The following LARS2 variants were observed in gnomAD, a reference collection of about 807,000 sequenced individuals.
LARS2 encodes the protein leucine--tRNA ligase, mitochondrial.
A neutral mutation model predicts 116.6 loss-of-function variants in LARS2; 81 were observed. The observed-to-expected ratio is 0.69, with a 90% CI of 0.58 to 0.84. The LOEUF (loss-of-function observed/expected upper bound fraction) is 0.84. LARS2 is among the 40% of genes least tolerant of loss of function. The pLI is 0.00. For missense variants in LARS2, 968 were observed against 1,114.5 expected (o/e 0.87, Z 1.87); for synonymous variants, 396 against 407.2 (o/e 0.97, Z 0.33).
chr3:45,445,935 G>T (rs1035886486), intron 6 of LARS2, among the ~76,000 whole-genome samples: 8 of 152,152 alleles, frequency 5.3e-5, no homozygotes, highest in Non-Finnish European at 1.0e-4. Flanking sequence ...ATTACAAGGC[G>T]TGGTGGCACA....
intron 15 of LARS2, 91 bp downstream of exon 15, chr3:45,500,670 T>G: frequency 3.2e-6 from 3 of 936,898 alleles, no homozygotes; most frequent in Non-Finnish European, 3.1e-6. Flanking sequence ...GGTAAATGCA[T>G]GTAGTAGAAT....
chr3:45,420,287 GCAAA>G (rs918582620), intron 6 of LARS2, among the ~76,000 whole-genome samples: 1 of 152,204 alleles, frequency 6.6e-6, no homozygotes, highest in Non-Finnish European at 1.5e-5. Flanking sequence ...CACTCGTGTT[GCAAA>G]CAAATTGTGA....
intron 15 of LARS2, among the ~76,000 whole-genome samples, chr3:45,504,503 A>G (rs759755623): frequency 2.6e-5 from 4 of 152,050 alleles, no homozygotes; most frequent in African/African-American, 9.7e-5. Context: ...CATCAGCCCC[A>G]GAGACCTTCA....
At position 45,482,295 on chromosome 3, in the gene LARS2, A is replaced by G. The variant is rs1315978806; in HGVS notation, c.1019-3397A>G. ...CTGGGCTTTTTTCATGTTTGGGGCT[A>G]TTATGGAGATAACTGCTGTGACCAT... On this transcript the variant is annotated intron_variant, in intron 10 of 21. Transcript: ENST00000645846. 3.3e-5 allele frequency among the ~76,000 whole-genome samples: 5 copies of G among 152,170 alleles called. No homozygotes were observed. The East Asian group carries it at 9.6e-4, about 29-fold the overall frequency.
chr3:45,536,113 TTTTTTA>T (rs1291383575), intron 20 of LARS2, among the ~76,000 whole-genome samples: 3 of 150,966 alleles, frequency 2.0e-5, no homozygotes, highest in Non-Finnish European at 1.5e-5. Context: ...GAAAGTTTTA[TTTTTTA>T]TTTTTATTTG....
intron 4 of LARS2, among the ~76,000 whole-genome samples, chr3:45,401,890 A>G (rs1385647174): frequency 5.9e-5 from 9 of 152,218 alleles, no homozygotes; most frequent in Non-Finnish European, 4.4e-5. Context: ...TGCTAGGATT[A>G]TAGATATGAG....
chr3:45,479,044 C>A (rs959834018), intron 10 of LARS2, among the ~76,000 whole-genome samples: 1 of 152,046 alleles, frequency 6.6e-6, no homozygotes, highest in Non-Finnish European at 1.5e-5. Flanking sequence ...GCAGTGACCA[C>A]CGAGTGTCAT....
At chr3:45,439,902 G>A (rs1698876965) in intron 6 of LARS2, among the ~76,000 whole-genome samples, 2 of 152,210 alleles carry the variant, frequency 1.3e-5, no homozygotes, top group Admixed American at 1.3e-4. Context: ...TTGGGAGAGA[G>A]ATATATTCGG....
chr3:45,505,283 G>A (rs901054654), intron 15 of LARS2, among the ~76,000 whole-genome samples: 2 of 151,910 alleles, frequency 1.3e-5, no homozygotes, highest in African/African-American at 4.8e-5. Context: ...TCCAGCCTGG[G>A]CAACATAGGA....
intron 14 of LARS2, among the ~76,000 whole-genome samples, chr3:45,499,566 G>T (rs1301008545): frequency 6.6e-6 from 1 of 152,180 alleles, no homozygotes; most frequent in Non-Finnish European, 1.5e-5. Context: ...AGGCTGCAGT[G>T]AACTATGATT....
At chr3:45,498,835 A>G (rs571111340) in intron 14 of LARS2, among the ~76,000 whole-genome samples, 1 of 152,340 alleles carries the variant, frequency 6.6e-6, no homozygotes, top group South Asian at 2.1e-4. Context: ...ACCCAAGAGT[A>G]TGAGAAAGCC....
intron 13 of LARS2, among the ~76,000 whole-genome samples, chr3:45,492,865 G>C (rs1347322450): frequency 6.6e-6 from 1 of 152,176 alleles, no homozygotes; most frequent in African/African-American, 2.4e-5. Flanking sequence ...GGAACTTGGA[G>C]GGAGGTATAT....
At chr3:45,488,522 G>A (rs913167111) in intron 11 of LARS2, among the ~76,000 whole-genome samples, 175 bp from the exon 12 acceptor site, 3 of 152,188 alleles carry the variant, frequency 2.0e-5, no homozygotes, top group Non-Finnish European at 4.4e-5. Flanking sequence ...TTTGGCAGTG[G>A]GTTTCTCCAA....
chr3:45,537,761 C>A (rs1258161139), intron 20 of LARS2, among the ~76,000 whole-genome samples: 2 of 152,158 alleles, frequency 1.3e-5, no homozygotes, highest in East Asian at 3.9e-4. Flanking sequence ...TGAAGATGGC[C>A]ACCAGGAGAG....
chr3:45,484,370 A>G (rs1474283880), intron 10 of LARS2, among the ~76,000 whole-genome samples: 1 of 150,738 alleles, frequency 6.6e-6, no homozygotes, highest in Non-Finnish European at 1.5e-5. Context: ...TTCCACTGGG[A>G]CTTTACTTAG....
At chr3:45,458,700 A>T (rs1297214652) in intron 7 of LARS2, 43 bp from the exon 8 acceptor site, 2 of 1,581,272 alleles carry the variant, frequency 1.3e-6, no homozygotes, top group Admixed American at 1.8e-5. Context: ...AAAAAAAAAG[A>T]GTACTCACCA....
chr3:45,440,441 G>GA, intron 6 of LARS2, among the ~76,000 whole-genome samples: 1 of 152,126 alleles, frequency 6.6e-6, no homozygotes, highest in East Asian at 1.9e-4. Flanking sequence ...TTGAAGGCAG[G>GA]AGGCTCACAA....
chr3:45,527,450 C>CT (rs1384912637), intron 20 of LARS2, among the ~76,000 whole-genome samples: 4 of 152,072 alleles, frequency 2.6e-5, no homozygotes, highest in African/African-American at 9.7e-5. Flanking sequence ...TGGTGAAACC[C>CT]CGTCTCTACT....
At chr3:45,514,483 C>T (rs1397665119) in intron 16 of LARS2, among the ~76,000 whole-genome samples, 1 of 152,190 alleles carries the variant, frequency 6.6e-6, no homozygotes, top group Non-Finnish European at 1.5e-5. Flanking sequence ...AGAAGCAGAA[C>T]TGGCAGTGTC....
Sources: gnomAD v4.1 joint callset for allele counts (sites outside exome capture counted in the v4.1 genomes callset) on GRCh38, gnomAD v4.1.1 for gene constraint, MANE v1.5 for transcripts, NCBI Gene and HGNC (gene_info 2026-07-23, HGNC 2026-07-21) for gene names.